The following PCDHGA4 variants were observed in gnomAD, a reference collection of about 807,000 sequenced individuals.
PCDHGA4 encodes protocadherin gamma subfamily A, 4.
A neutral mutation model predicts 54.6 loss-of-function variants in PCDHGA4; 38 were observed. The ratio of observed to expected loss-of-function variants is 0.70; its 90% CI spans 0.54 to 0.91. PCDHGA4 has a LOEUF of 0.91. PCDHGA4 is among the 40% of genes least tolerant of loss of function. The probability of loss-of-function intolerance (pLI) is 0.00; values close to 1 mark genes in which losing one functional copy is unlikely to be tolerated. For synonymous variants in PCDHGA4, 511 were observed against 512.9 expected, an observed-to-expected ratio of 1.00 and a Z score of 0.05; for missense variants, 1,298 against 1,220.9, an observed-to-expected ratio of 1.06 and a Z score of -0.94.
intron 1 of PCDHGA4, chr5:141,427,798 T>C: frequency 6.6e-7 from 1 of 1,506,550 alleles, no homozygotes; most frequent in South Asian, 1.1e-5. Flanking sequence ...TACGTGTCCG[T>C]GAGCGCACAG....
intron 1 of PCDHGA4, chr5:141,399,197 T>G: frequency 6.2e-7 from 1 of 1,613,926 alleles, no homozygotes; most frequent in Non-Finnish European, 8.5e-7. Context: ...GAAAACGCGG[T>G]GCCTGGAACA....
chr5:141,426,958 C>A (rs1176636556), intron 1 of PCDHGA4: 1 of 456,728 alleles, frequency 2.2e-6, no homozygotes, highest in South Asian at 1.5e-5. Context: ...GGCACTGCTG[C>A]AATTCAAATT....
chr5:141,357,845 T>G, intron 1 of PCDHGA4: 1 of 621,436 alleles, frequency 1.6e-6, no homozygotes, highest in Admixed American at 3.4e-5. Flanking sequence ...AGTTGTAGTT[T>G]CAGCCAGAAT....
At position 141,431,590 on chromosome 5, in the gene PCDHGA4, G is replaced by A; in HGVS notation, c.2515-63217G>A. On this transcript the variant is annotated intron_variant, in intron 1 of 3. Transcript: ENST00000571252. The surrounding 1 kb of genome is among the most constrained non-coding windows in gnomAD (Gnocchi z 4.8). ...CTGACGAAGGAGTCAATGCGGAAGT[G>A]AGGTATTCCTTCCGGTATGTGGACG... 1.2e-6 allele frequency: 2 copies of A among 1,614,240 alleles called. No homozygotes were observed. Among genetic ancestry groups the A allele is most frequent in the South Asian group, 1.1e-5 (1 of 91,090 alleles).
At chr5:141,492,993 G>A (rs952802686) in intron 1 of PCDHGA4, among the ~76,000 whole-genome samples, 5 of 152,216 alleles carry the variant, frequency 3.3e-5, no homozygotes, top group African/African-American at 1.2e-4. Flanking sequence ...CTGGCAGATG[G>A]AAAGCTATAG....
intron 1 of PCDHGA4, among the ~76,000 whole-genome samples, chr5:141,444,256 C>T (rs1445343718): frequency 2.1e-5 from 3 of 146,298 alleles, no homozygotes; most frequent in African/African-American, 5.1e-5. Context: ...ACTGCAACCT[C>T]CGCCTCCCAG....
chr5:141,407,473 G>A (rs753514459), intron 1 of PCDHGA4, among the ~76,000 whole-genome samples: 4 of 145,182 alleles, frequency 2.8e-5, no homozygotes, highest in Non-Finnish European at 4.6e-5. Context: ...ATGACTGAAT[G>A]GAGTATGGAA....
chr5:141,432,079 G>A lies in PCDHGA4; in HGVS notation c.2515-62728G>A, dbSNP rs138510025. On this transcript the variant is annotated intron_variant, in intron 1 of 3. Transcript: ENST00000571252. The surrounding 1 kb of genome is among the most constrained non-coding windows in gnomAD (Gnocchi z 6.0). ...TATCCACGGAAACTCATATCTCGCT[G>A]AACGTGGCAGACACCAACGACAACC... 1.6e-4 allele frequency: 252 copies of A among 1,614,054 alleles called. No homozygotes were observed. The highest frequency in any genetic ancestry group is 8.1e-5 in the Non-Finnish European group (96 of 1,180,048).
At chr5:141,394,754 G>T (rs753264235) in intron 1 of PCDHGA4, 2 of 1,613,428 alleles carry the variant, frequency 1.2e-6, no homozygotes, top group Non-Finnish European at 1.7e-6. Context: ...TGGCCGTCCA[G>T]GACCATGGCC....
rs760328261 is a variant in PCDHGA4, at chr5:141,357,462, C to T, written c.2355C>T (p.Ser785=). 7 of 1,614,072 alleles carry T rather than the reference C, an allele frequency of 4.3e-6. No homozygotes were observed. Among genetic ancestry groups the T allele is most frequent in the Middle Eastern group, 1.7e-4 (1 of 6,048 alleles). The part of the protein sequence containing the change: ...DGVRAFLQTY[S]HEVSLTADSR... Reference sequence around the variant, plus strand: ...TTCGGGCTTTCCTGCAGACCTATTCCCACGAGGTCTCCCTCACCGCGGACT... The same window carrying T: ...TTCGGGCTTTCCTGCAGACCTATTCTCACGAGGTCTCCCTCACCGCGGACT... Residue 785 remains serine (S), a synonymous_variant, in exon 1 of 4, where the codon TCC becomes TCT. Transcript: ENST00000571252.
intron 1 of PCDHGA4, among the ~76,000 whole-genome samples, chr5:141,451,073 C>A (rs1346074089): frequency 6.6e-6 from 1 of 151,958 alleles, no homozygotes; most frequent in Non-Finnish European, 1.5e-5. Flanking sequence ...TGTGATCCAC[C>A]CACCTTGACC....
At chr5:141,365,761 TGACCCC>T in intron 1 of PCDHGA4, 1 of 1,613,834 alleles carries the variant, frequency 6.2e-7, no homozygotes, top group Non-Finnish European at 8.5e-7. Context: ...TGACAGCCCA[TGACCCC>T]GACAGCGGCG....
Position 141,491,248 on chromosome 5 carries a change from G to T in PCDHGA4, c.2515-3559G>T, listed in dbSNP as rs757712577. On this transcript the variant is annotated intron_variant, in intron 1 of 3. Transcript: ENST00000571252. The surrounding 1 kb of genome is among the most constrained non-coding windows in gnomAD (Gnocchi z 6.9). ...AGTGCTGCTGGTTCTGGAGGATGAG[G>T]ACCCTGAGGAAATGCCCAAATCCAG... 3 of 1,614,170 alleles carry T rather than the reference G, an allele frequency of 1.9e-6. No individual in the cohort carries two copies. Among genetic ancestry groups the T allele is most frequent in the Non-Finnish European group, 2.5e-6 (3 of 1,180,018 alleles).
intron 1 of PCDHGA4, chr5:141,387,632 C>T (rs1345144425): frequency 3.4e-6 from 2 of 586,890 alleles, no homozygotes; most frequent in Non-Finnish European, 5.9e-6. Context: ...ACTCTGGGCG[C>T]CGCTGTTGGC....
intron 1 of PCDHGA4, chr5:141,366,706 G>T (rs202189432): frequency 1.0e-4 from 169 of 1,614,242 alleles, no homozygotes; most frequent in Middle Eastern, 1.6e-4. Context: ...AGCCTCTTCT[G>T]ATGTCTGATA....
At chr5:141,375,345 C>G (rs749825552) in intron 1 of PCDHGA4, 9 of 1,613,740 alleles carry the variant, frequency 5.6e-6, no homozygotes, top group African/African-American at 1.3e-5. Context: ...TACAACATCA[C>G]TGTGACAGCC....
intron 1 of PCDHGA4, among the ~76,000 whole-genome samples, chr5:141,457,900 A>C (rs2098931922): frequency 6.7e-6 from 1 of 149,818 alleles, no homozygotes; most frequent in Admixed American, 6.6e-5. Context: ...CTGTGTAGAC[A>C]AGGTGTGAGG....
At chr5:141,389,600 C>T (rs748837518) in intron 1 of PCDHGA4, 28 of 1,613,080 alleles carry the variant, frequency 1.7e-5, no homozygotes, top group Non-Finnish European at 2.3e-5. Flanking sequence ...GCTCTGCGCT[C>T]TTCGATATGG....
At chr5:141,395,447 G>T in intron 1 of PCDHGA4, 1 of 645,040 alleles carries the variant, frequency 1.6e-6, no homozygotes, top group South Asian at 2.4e-5. Context: ...GGAAAAGATT[G>T]TTCAACCATT....
Sources: allele counts gnomAD v4.1 joint callset (sites outside exome capture counted in the v4.1 genomes callset), GRCh38; gene constraint gnomAD v4.1.1; non-coding constraint Gnocchi (gnomAD v3.1); transcripts MANE v1.5; gene names NCBI Gene and HGNC (gene_info 2026-07-23, HGNC 2026-07-21).